CDK5RAP2: variants seen among roughly 807,000 people sequenced by gnomAD.
CDK5RAP2 encodes CDK5 regulatory subunit associated protein 2.
A neutral mutation model predicts 232.9 loss-of-function variants in CDK5RAP2; 147 were observed. The ratio of observed to expected loss-of-function variants is 0.63; its 90% confidence interval spans 0.55 to 0.72. The LOEUF is 0.72. Among genes scored for constraint, CDK5RAP2 ranks in the 30% least tolerant of loss-of-function variants. The pLI is 0.00. For synonymous variants in CDK5RAP2, 833 were observed against 833.7 expected (o/e 1.00, Z 0.01); for missense variants, 2,195 against 2,231.5 (o/e 0.98, Z 0.33).
chr9:120,423,786 C>T (rs2034715758), intron 25 of CDK5RAP2, among the ~76,000 whole-genome samples: 1 of 152,188 alleles, frequency 6.6e-6, no homozygotes, highest in African/African-American at 2.4e-5. Context: ...AAAACTATTC[C>T]TAAAAGGAAA....
intron 6 of CDK5RAP2, among the ~76,000 whole-genome samples, chr9:120,538,540 G>A (rs549868182): frequency 1.3e-5 from 2 of 152,288 alleles, no homozygotes; most frequent in South Asian, 4.1e-4. Flanking sequence ...AGGATGGTTG[G>A]AGGGAAGCCA....
chr9:120,570,874 A>T (rs1371829653), intron 2 of CDK5RAP2, among the ~76,000 whole-genome samples: 1 of 149,222 alleles, frequency 6.7e-6, no homozygotes, highest in Non-Finnish European at 1.5e-5. Context: ...TTAAAGTAAA[A>T]GTTGCCAATG....
intron 19 of CDK5RAP2, 148 bp downstream of exon 19, chr9:120,460,424 A>G (rs2037019056): frequency 2.7e-6 from 2 of 728,256 alleles, no homozygotes; most frequent in African/African-American, 3.5e-5. Context: ...GAAGGAAAAG[A>G]CCTAGTCTTT....
At chr9:120,466,267 C>G (rs550006195) in intron 18 of CDK5RAP2, among the ~76,000 whole-genome samples, 61 of 151,978 alleles carry the variant, frequency 4.0e-4, no homozygotes, top group African/African-American at 1.2e-3. Context: ...CACGCATACT[C>G]CCAGAGAACC....
intron 12 of CDK5RAP2, 79 bp from the exon 13 acceptor site, chr9:120,491,556 G>A: frequency 1.1e-6 from 1 of 946,810 alleles, no homozygotes; most frequent in Non-Finnish European, 1.7e-6. Flanking sequence ...CTAAATTACT[G>A]CTACAAGAGA....
intron 4 of CDK5RAP2, 102 bp from the exon 5 acceptor site, chr9:120,545,892 G>T: frequency 1.1e-6 from 1 of 889,902 alleles, no homozygotes; most frequent in Non-Finnish European, 1.9e-6. Context: ...ACTACAGGAT[G>T]CTTGTAATAG....
intron 28 of CDK5RAP2, among the ~76,000 whole-genome samples, chr9:120,413,830 A>AGGAGGGAGGGAGGAGAGGGGAGGGAGGAG (rs111878508): frequency 1.1e-5 from 1 of 93,234 alleles, no homozygotes; most frequent in South Asian, 3.6e-4. Context: ...GGGAGGAGGG[A>AGGAGGGAGGGAGGAGAGGGGAGGGAGGAG]GGAGGGAGGA....
At chr9:120,545,679 C>A (rs117380020) in intron 5 of CDK5RAP2, 35 bp downstream of exon 5, 144 of 1,540,218 alleles carry the variant, frequency 9.3e-5, no homozygotes, top group Non-Finnish European at 1.3e-4. Context: ...CCAGTGTGGG[C>A]GACTTGCAAG....
intron 25 of CDK5RAP2, among the ~76,000 whole-genome samples, chr9:120,431,804 A>C (rs1175158025): frequency 6.6e-6 from 1 of 152,186 alleles, no homozygotes; most frequent in Non-Finnish European, 1.5e-5. Flanking sequence ...TACAGACAAA[A>C]TACCACCTGC....
chr9:120,578,977 G>A (rs947275661), intron 1 of CDK5RAP2, among the ~76,000 whole-genome samples: 1 of 152,190 alleles, frequency 6.6e-6, no homozygotes, highest in African/African-American at 2.4e-5. Context: ...TGGATAAACA[G>A]TGCAGGTTCT....
At chr9:120,396,560 C>T (rs2032481316) in intron 35 of CDK5RAP2, among the ~76,000 whole-genome samples, 1 of 152,204 alleles carries the variant, frequency 6.6e-6, no homozygotes, top group Admixed American at 6.5e-5. Context: ...TACTGCTCCT[C>T]TGGGTGCCCC....
intron 3 of CDK5RAP2, among the ~76,000 whole-genome samples, chr9:120,565,344 C>G (rs577729161): frequency 6.6e-6 from 1 of 152,272 alleles, no homozygotes; most frequent in East Asian, 1.9e-4. Flanking sequence ...ACCACAGCAG[C>G]CTTTTAACTC....
Position 120,439,463 on chromosome 9 carries a change from T to G in CDK5RAP2, c.3658A>C (p.Asn1220His). 1 of 1,614,192 alleles carries G rather than the reference T, an allele frequency of 6.2e-7. No individual in the cohort carries two copies. Among genetic ancestry groups the G allele is most frequent in the Non-Finnish European group, 8.5e-7 (1 of 1,180,024 alleles). ...TGGATCTCACTGAAAAGTTGCATGT[T>G]CAAATTCTGCTCCTTCTGCAGCTTG... ...EYKLQKEQNL[N>H]MQLFSEIHNL... is the part of the protein sequence containing the mutation. Residue 1220 changes from asparagine to histidine, a missense_variant, in exon 24 of 38, where the codon AAC (asparagine) becomes CAC (histidine). Coordinates refer to ENST00000349780, the MANE Select transcript of CDK5RAP2 (RefSeq NM_018249.6).
In CDK5RAP2 at chr9:120,453,798, T is replaced by C. The variant is rs535735708; in HGVS notation, c.2451A>G (p.Glu817=). Residue 817 remains glutamate (E), a synonymous_variant, in exon 21 of 38, where the codon GAA becomes GAG. Transcript: ENST00000349780. ...LFLTEQEVSG[E]HLDGKTEKTP... ...TCTTCTCAGTTTTACCATCAAGGTG[T>C]TCTCCAGAAACTTCCTGCTCTGTCA... is the stretch of plus-strand genomic sequence containing the variant. 1.9e-6 allele frequency: 3 copies of C among 1,614,202 alleles called. No homozygotes were observed. Among genetic ancestry groups the C allele is most frequent in the Non-Finnish European group, 2.5e-6 (3 of 1,180,024 alleles).
chr9:120,401,083 T>A lies in CDK5RAP2; in HGVS notation c.5308-198A>T, dbSNP rs148355757. On this transcript the variant is annotated intron_variant, in intron 34 of 37. Transcript: ENST00000349780. ...GATTATGAGAGAATTTCAGTGGTGA[T>A]CTTAGCCCAATCAATAACCATGATT... 38 of 600,252 alleles carry A rather than the reference T, an allele frequency of 6.3e-5. No homozygotes were observed. The East Asian group carries it at 8.0e-4, about 13-fold the overall frequency. The allele number at this position is 600,252 out of a possible 1,614,324, so 37.2% of individuals were successfully genotyped here.
chr9:120,401,736 C>T (rs2033036223), intron 34 of CDK5RAP2, among the ~76,000 whole-genome samples: 1 of 151,938 alleles, frequency 6.6e-6, no homozygotes, highest in African/African-American at 2.4e-5. Flanking sequence ...TTTATCCCAG[C>T]ACTTTGGGAG....
rs2036610371 is a variant in CDK5RAP2 at position 120,453,866 on chromosome 9, G to A, written c.2383C>T (p.Leu795Phe). 7.4e-6 allele frequency: 12 copies of A among 1,614,054 alleles called. No individual in the cohort carries two copies. The highest frequency in any genetic ancestry group is 7.6e-6 in the Non-Finnish European group (9 of 1,180,026). The change falls in exon 21 of 38, where the codon CTT becomes TTT. Residue 795 changes from leucine (L) to phenylalanine (F), a missense_variant. Leu to Phe is a conservative substitution (Grantham distance 22). Coordinates refer to ENST00000349780, the MANE Select transcript of CDK5RAP2 (RefSeq NM_018249.6). The part of the protein sequence containing the change: ...ATLLLESRPD[L>F]LKVVRELLLG... ...AGCAGTTCCCGTACCACTTTCAGAA[G>A]GTCTGGCCTGTTTTTCCAAAAGGGA...
chr9:120,419,902 C>A lies in CDK5RAP2; in HGVS notation c.4063G>T (p.Ala1355Ser), dbSNP rs760140837. The A allele has an allele frequency of 8.1e-6, 13 of 1,613,876 alleles. No individual in the cohort carries two copies. In the South Asian group the frequency reaches 1.4e-4, roughly 18 times the overall value. ...TCATAATCAGAGAGCGCATGAGAGG[C>A]TGAAGGCTCAGGAGATTCAGGCAGA... ...HLLPESPEPS[A>S]SHALSDYETS... Residue 1355 changes from alanine to serine, a missense_variant, in exon 27 of 38, where the codon GCC becomes TCC. Transcript: ENST00000349780.
intron 26 of CDK5RAP2, among the ~76,000 whole-genome samples, chr9:120,420,923 A>C (rs542478150): frequency 8.5e-5 from 13 of 152,326 alleles, no homozygotes; most frequent in African/African-American, 2.9e-4. Context: ...AACAGAAGGA[A>C]AAAAACAAAT....
Sources: gnomAD v4.1 joint callset for allele counts (sites outside exome capture counted in the v4.1 genomes callset) on GRCh38, gnomAD v4.1.1 for gene constraint, MANE v1.5 for transcripts, NCBI Gene and HGNC (gene_info 2026-07-23, HGNC 2026-07-21) for gene names.